WNT5A: variants seen among roughly 807,000 people sequenced by gnomAD.
The protein encoded by WNT5A is protein Wnt-5a.
WNT5A carries 9 observed loss-of-function variants against 42.1 expected under a neutral mutation model. The ratio of observed to expected loss-of-function variants is 0.21; its 90% CI spans 0.13 to 0.37. The LOEUF (loss-of-function observed/expected upper bound fraction) is 0.37, where lower values mean the gene tolerates loss of function less well. WNT5A is among the 10% of genes least tolerant of loss of function. The pLI is 1.00. For missense variants in WNT5A, 426 were observed against 534.0 expected, an observed-to-expected ratio of 0.80 and a Z score of 1.99; for synonymous variants, 210 against 210.0, an observed-to-expected ratio of 1.00 and a Z score of 0.00.
chr3:55,474,300 A>C (rs1159756570), intron 4 of WNT5A, 37 bp downstream of exon 4: 2 of 1,610,836 alleles, frequency 1.2e-6, no homozygotes, highest in Non-Finnish European at 1.7e-6. Flanking sequence ...AGGTGAGAAG[A>C]CAGAGATGCG....
upstream of WNT5A, chr3:55,494,115 T>A (rs1559562961): frequency 6.6e-6 from 1 of 152,236 alleles, no homozygotes; most frequent in Non-Finnish European, 1.5e-5. Flanking sequence ...TTAACTTACA[T>A]GGAAGAAGCA....
At chr3:55,487,861 C>G (rs1294530550), upstream of WNT5A, 5 of 152,238 alleles carry the variant, frequency 3.3e-5, no homozygotes, top group Non-Finnish European at 7.3e-5. Flanking sequence ...AAAGTCGCCC[C>G]GGAACTTATT....
In WNT5A at chr3:55,475,122, A is replaced by G. The variant is rs1005033600; in HGVS notation, c.392-493T>C. ...CAGCCATTTCAGAGCTGCAGGCCAGATTCTAAGCAGTGCTGGATTGATTTT... is the reference window on the plus strand; with the variant it reads ...CAGCCATTTCAGAGCTGCAGGCCAGGTTCTAAGCAGTGCTGGATTGATTTT... On this transcript the variant is annotated intron_variant, in intron 3 of 4. Coordinates refer to ENST00000264634, the MANE Select transcript of WNT5A (RefSeq NM_003392.7). Among the ~76,000 whole-genome samples, 3 of 152,306 alleles carry G rather than the reference A, an allele frequency of 2.0e-5. No homozygotes were observed. The East Asian group carries it at 5.8e-4, about 29-fold the overall frequency.
Position 55,487,121 on chromosome 3 carries a change from G to C in WNT5A, c.-136C>G. On this transcript the variant is annotated 5_prime_UTR_variant, in exon 1 of 5. Transcript: ENST00000264634. Reference sequence around the variant, plus strand: ...CGGAGTCCTCCGGCGCGCGTCCGGCGGGCGCAGTGAACCGGAGCTGAAGCG... The same window carrying C: ...CGGAGTCCTCCGGCGCGCGTCCGGCCGGCGCAGTGAACCGGAGCTGAAGCG... 2.7e-6 allele frequency: 2 copies of C among 738,618 alleles called. No homozygotes were observed. Among genetic ancestry groups the C allele is most frequent in the South Asian group, 3.7e-5 (2 of 54,792 alleles). The allele number at this position is 738,618 out of a possible 1,614,324, so 45.8% of individuals were successfully genotyped here.
intron 1 of WNT5A, among the ~76,000 whole-genome samples, chr3:55,486,616 G>A (rs1575408727): frequency 6.6e-6 from 1 of 152,246 alleles, no homozygotes; most frequent in Admixed American, 6.5e-5. Flanking sequence ...TTGTTGAATT[G>A]AATCATTATC....
Position 55,467,394 on chromosome 3 carries a change from A to G in WNT5A, c.*2698T>C, listed in dbSNP as rs2051163368. The G allele has an allele frequency of 6.8e-6, 1 of 147,534 alleles. No individual in the cohort carries two copies. Among genetic ancestry groups the G allele is most frequent in the Non-Finnish European group, 1.5e-5 (1 of 67,294 alleles). 9.1% of individuals were successfully genotyped at this position (147,534 alleles called of 1,614,324 possible). A position where few individuals can be genotyped will look rare whatever the true frequency, so the allele number is the denominator to read the frequency against. ...TTTTTTTTTTTTGTAAGGAACATAT[A>G]TAGGAAAAGAGAATTCCCCTTTTGT... is the stretch of plus-strand genomic sequence containing the variant. On this transcript the variant is annotated 3_prime_UTR_variant, in exon 5 of 5. Transcript: ENST00000264634.
rs952348649 is a variant in WNT5A, at chr3:55,469,803, G to A, written c.*289C>T. The A allele has an allele frequency of 3.1e-6, 1 of 326,222 alleles. No individual in the cohort carries two copies. The highest frequency in any genetic ancestry group is 4.6e-5 in the Admixed American group (1 of 21,536). The allele number at this position is 326,222 out of a possible 1,614,324, so 20.2% of individuals were successfully genotyped here. A position where few individuals can be genotyped will look rare whatever the true frequency, so the allele number is the denominator to read the frequency against. On this transcript the variant is annotated 3_prime_UTR_variant, in exon 5 of 5. Transcript: ENST00000264634. ...TGTCCACACAGCTAAGTTAGGGTATGTGTTATTTCCCCTTCATTCTATACT... is the reference window on the plus strand; with the variant it reads ...TGTCCACACAGCTAAGTTAGGGTATATGTTATTTCCCCTTCATTCTATACT...
upstream of WNT5A, chr3:55,490,171 T>C (rs1444142117): frequency 6.6e-6 from 1 of 152,246 alleles, no homozygotes; most frequent in Non-Finnish European, 1.5e-5. Flanking sequence ...TCCTATTCTA[T>C]GAAGAAAAGG....
chr3:55,469,883 T>A lies in WNT5A; in HGVS notation c.*209A>T, dbSNP rs781037217. 23 of 519,082 alleles carry A rather than the reference T, an allele frequency of 4.4e-5. No individual in the cohort carries two copies. The highest frequency in any genetic ancestry group is 7.6e-5 in the Non-Finnish European group (23 of 300,688). 32.2% of individuals were successfully genotyped at this position (519,082 alleles called of 1,614,324 possible). ...AAGATCCACAAAATAAATATTTTTCTTGGTTCCCACCCCCATTATTGCCAA... is the reference window on the plus strand; with the variant it reads ...AAGATCCACAAAATAAATATTTTTCATGGTTCCCACCCCCATTATTGCCAA... On this transcript the variant is annotated 3_prime_UTR_variant, in exon 5 of 5. Transcript: ENST00000264634.
At chr3:55,492,688 G>A (rs934860759), upstream of WNT5A, among the ~76,000 whole-genome samples, 6 of 152,130 alleles carry the variant, frequency 3.9e-5, no homozygotes, top group African/African-American at 7.2e-5. Flanking sequence ...GATAATAATC[G>A]GTAATAAACA....
Position 55,481,396 on chromosome 3 carries a change from A to G in WNT5A, c.7-478T>C. 7 of 984,548 alleles carry G rather than the reference A, an allele frequency of 7.1e-6. No homozygotes were observed. The South Asian group carries it at 1.9e-4, about 27-fold the overall frequency. The allele number at this position is 984,548 out of a possible 1,614,324, so 61.0% of individuals were successfully genotyped here. A position where few individuals can be genotyped will look rare whatever the true frequency, so the allele number is the denominator to read the frequency against. On this transcript the variant is annotated intron_variant, in intron 1 of 4. Coordinates refer to ENST00000264634, the MANE Select transcript of WNT5A (RefSeq NM_003392.7). ...GCGAGAGGAGCACGGAGGCGAGTGG[A>G]GCGCGCTGCCGCCAGAGGCTGCCAA...
At chr3:55,485,781 G>A (rs1460966366) in intron 1 of WNT5A, among the ~76,000 whole-genome samples, 1 of 152,162 alleles carries the variant, frequency 6.6e-6, no homozygotes, top group Non-Finnish European at 1.5e-5. Flanking sequence ...GAGAGGAGAA[G>A]GGGCCTCGAT....
chr3:55,488,330 C>A (rs1338247547), upstream of WNT5A: 2 of 149,558 alleles, frequency 1.3e-5, no homozygotes, highest in Admixed American at 6.6e-5. Context: ...CCCCCTCCCA[C>A]CCCCCAGCCC....
intron 4 of WNT5A, among the ~76,000 whole-genome samples, chr3:55,472,725 G>A (rs972006187): frequency 1.3e-5 from 2 of 152,146 alleles, no homozygotes; most frequent in African/African-American, 4.8e-5. Flanking sequence ...ACACCCAAAT[G>A]TTTAACAACA....
At chr3:55,482,995 G>A (rs544021319) in intron 1 of WNT5A, among the ~76,000 whole-genome samples, 7 of 152,230 alleles carry the variant, frequency 4.6e-5, no homozygotes, top group Non-Finnish European at 8.8e-5. Context: ...TGCTGGCCGC[G>A]TGCACTTTCC....
At chr3:55,501,669 T>G in the WNT5A span, 2 of 152,214 alleles carry the variant, frequency 1.3e-5, no homozygotes, top group Non-Finnish European at 2.9e-5. Flanking sequence ...TAACAGTAGG[T>G]AAAGTTGTAT....
At chr3:55,484,436 C>A (rs776454720) in intron 1 of WNT5A, among the ~76,000 whole-genome samples, 5 of 152,126 alleles carry the variant, frequency 3.3e-5, no homozygotes, top group Non-Finnish European at 7.3e-5. Context: ...GGGTTGTGTC[C>A]ACAGCAATAT....
chr3:55,480,666 T>C, intron 2 of WNT5A, 119 bp downstream of exon 2: 1 of 1,076,908 alleles, frequency 9.3e-7, no homozygotes, highest in Non-Finnish European at 1.3e-6. Flanking sequence ...AATGTATACA[T>C]ATGTCTTGCA....
Position 55,487,189 on chromosome 3 carries a change from T to G in WNT5A, c.-204A>C. ...CTGGACTCCCGAGTTGGGGCAGAGC[T>G]GGGATGCGCCCAGGAATGGAGGGGG... is the stretch of plus-strand genomic sequence containing the variant. On this transcript the variant is annotated 5_prime_UTR_variant, in exon 1 of 5. Transcript: ENST00000264634. 1 of 552,460 alleles carries G rather than the reference T, an allele frequency of 1.8e-6. No individual in the cohort carries two copies. Among genetic ancestry groups the G allele is most frequent in the Non-Finnish European group, 3.2e-6 (1 of 314,846 alleles). The allele number at this position is 552,460 out of a possible 1,614,324, so 34.2% of individuals were successfully genotyped here.
Sources: gnomAD v4.1 joint callset for allele counts (sites outside exome capture counted in the v4.1 genomes callset) on GRCh38, gnomAD v4.1.1 for gene constraint, MANE v1.5 for transcripts, NCBI Gene and HGNC (gene_info 2026-07-23, HGNC 2026-07-21) for gene names.